The following TASP1 variants were observed in gnomAD, a reference collection of about 807,000 sequenced individuals.
TASP1 encodes taspase 1, also known as threonine aspartase 1.
TASP1 carries 16 observed loss-of-function variants against 56.6 expected under a neutral mutation model. That is an observed-to-expected ratio of 0.28 (90% CI 0.19 to 0.43). The LOEUF is 0.43. Ranked by LOEUF, TASP1 falls within the 20% of genes least tolerant of loss-of-function variation. The pLI, the probability that TASP1 is intolerant of heterozygous loss-of-function variation, is 1.00. For synonymous variants in TASP1, 179 were observed against 184.2 expected (o/e 0.97, Z 0.23); for missense variants, 393 against 511.6 (o/e 0.77, Z 2.24).
chr20:13,247,071 A>C, the TASP1 span, among the ~76,000 whole-genome samples: 5,525 of 152,170 alleles, frequency 0.036, 175 homozygotes, highest in African/African-American at 0.077. Flanking sequence ...CCCCGTCTCT[A>C]CTGAAAATAC....
At chr20:13,616,967 C>T (rs536273651) in intron 4 of TASP1, 3 of 425,760 alleles carry the variant, frequency 7.0e-6, no homozygotes, top group South Asian at 5.0e-5. Flanking sequence ...AACAAGCAAA[C>T]AAGTTGCCTC....
intron 2 of TASP1, among the ~76,000 whole-genome samples, chr20:13,625,523 C>G (rs558252207): frequency 2.8e-4 from 42 of 152,288 alleles, no homozygotes; most frequent in African/African-American, 7.9e-4. Context: ...CTCTTCTTTT[C>G]AAGAACCTCT....
chr20:13,280,391 ACC>A, the TASP1 span, among the ~76,000 whole-genome samples: 18,638 of 131,974 alleles, frequency 0.14, 2,021 homozygotes, highest in East Asian at 0.31. Context: ...CTTCAAAGTA[ACC>A]CCCCCCCCCC....
the TASP1 span, chr20:13,117,631 A>G: frequency 6.2e-7 from 1 of 1,614,072 alleles, no homozygotes; most frequent in South Asian, 1.1e-5. Context: ...GGTGTCACGG[A>G]GTTCTTTGGA....
chr20:13,632,192 G>A (rs62207643), intron 1 of TASP1, among the ~76,000 whole-genome samples: 5,718 of 151,660 alleles, frequency 0.038, 151 homozygotes, highest in Non-Finnish European at 0.052. Context: ...GTAAAACCCC[G>A]TCTCCACTAA....
chr20:13,263,631 C>T, the TASP1 span, among the ~76,000 whole-genome samples: 4 of 152,234 alleles, frequency 2.6e-5, no homozygotes, highest in African/African-American at 7.2e-5. Context: ...CAGACAAAAT[C>T]GATGCTCGGC....
chr20:13,223,569 G>A, the TASP1 span, among the ~76,000 whole-genome samples: 1 of 152,084 alleles, frequency 6.6e-6, no homozygotes, highest in South Asian at 2.1e-4. Flanking sequence ...ATTATTGCAC[G>A]CAATTACAAA....
intron 11 of TASP1, among the ~76,000 whole-genome samples, chr20:13,450,425 C>T (rs2043575656): frequency 6.6e-6 from 1 of 152,106 alleles, no homozygotes; most frequent in Non-Finnish European, 1.5e-5. Context: ...CACAGTAGAG[C>T]TTTCAAAATT....
the TASP1 span, among the ~76,000 whole-genome samples, chr20:13,234,422 CG>C: frequency 6.6e-6 from 1 of 152,046 alleles, no homozygotes; most frequent in Non-Finnish European, 1.5e-5. Flanking sequence ...CAGATGAGTG[CG>C]GGTATCTTTT....
At chr20:13,120,588 G>A in the TASP1 span, among the ~76,000 whole-genome samples, 2 of 152,160 alleles carry the variant, frequency 1.3e-5, no homozygotes, top group African/African-American at 4.8e-5. Context: ...GTGTCTAGGA[G>A]GTTCTGGAAA....
At chr20:13,207,798 G>C in the TASP1 span, among the ~76,000 whole-genome samples, 13 of 152,282 alleles carry the variant, frequency 8.5e-5, no homozygotes, top group African/African-American at 3.1e-4. Flanking sequence ...CATTCAGAAT[G>C]AATGTTTAAT....
chr20:13,600,535 A>G (rs1393291538), intron 4 of TASP1: 2 of 152,214 alleles, frequency 1.3e-5, no homozygotes, highest in South Asian at 2.1e-4. Flanking sequence ...GAAATAAAAG[A>G]TATTTACCTC....
chr20:13,306,232 A>C, the TASP1 span, among the ~76,000 whole-genome samples: 2 of 152,220 alleles, frequency 1.3e-5, no homozygotes, highest in African/African-American at 4.8e-5. Context: ...AGGATATAAA[A>C]ATTTCAAGCC....
At chr20:13,427,678 T>C (rs1034891902) in intron 12 of TASP1, among the ~76,000 whole-genome samples, 11 of 152,112 alleles carry the variant, frequency 7.2e-5, no homozygotes, top group Non-Finnish European at 1.5e-4. Flanking sequence ...TTCAAACATA[T>C]GGGTAATGGG....
chr20:13,630,687 C>CAA (rs33973259), intron 1 of TASP1, among the ~76,000 whole-genome samples: 297 of 65,054 alleles, frequency 4.6e-3, no homozygotes, highest in Admixed American at 5.3e-3. Flanking sequence ...AGCTCTGTCT[C>CAA]AAAAAAAAAA....
At chr20:13,633,594 T>G (rs2049179445) in intron 1 of TASP1, among the ~76,000 whole-genome samples, 1 of 152,070 alleles carries the variant, frequency 6.6e-6, no homozygotes, top group Non-Finnish European at 1.5e-5. Flanking sequence ...GTCTTTACAG[T>G]TAAGATGAGG....
At chr20:13,207,379 G>A in the TASP1 span, among the ~76,000 whole-genome samples, 1 of 152,154 alleles carries the variant, frequency 6.6e-6, no homozygotes, top group African/African-American at 2.4e-5. Context: ...TATTAATCGG[G>A]TCCTCCAGTG....
chr20:13,348,412 G>A, the TASP1 span, among the ~76,000 whole-genome samples: 1 of 152,174 alleles, frequency 6.6e-6, no homozygotes, highest in African/African-American at 2.4e-5. Flanking sequence ...ACAGCCCTTG[G>A]CACTCTTTGG....
intron 11 of TASP1, among the ~76,000 whole-genome samples, chr20:13,445,667 C>A (rs1246327867): frequency 2.0e-5 from 3 of 152,132 alleles, no homozygotes; most frequent in African/African-American, 7.2e-5. Context: ...GTAAGAAGTT[C>A]TTCGCCTTCA....
Sources: gnomAD v4.1 joint callset for allele counts (sites outside exome capture counted in the v4.1 genomes callset) on GRCh38, gnomAD v4.1.1 for gene constraint, MANE v1.5 for transcripts, NCBI Gene and HGNC (gene_info 2026-07-23, HGNC 2026-07-21) for gene names.